Variants in ARHGEF10L observed in about 807,000 individuals in gnomAD.
The protein encoded by ARHGEF10L is rho guanine nucleotide exchange factor 10-like protein.
ARHGEF10L carries 69 observed loss-of-function variants against 141.2 expected under a neutral mutation model. The observed-to-expected ratio is 0.49, with a 90% CI of 0.40 to 0.60. The LOEUF (loss-of-function observed/expected upper bound fraction) is 0.60. Ranked by LOEUF, ARHGEF10L falls within the 20% of genes least tolerant of loss-of-function variation. The probability of loss-of-function intolerance (pLI) is 0.00; values close to 1 mark genes in which losing one functional copy is unlikely to be tolerated. For missense variants in ARHGEF10L, 1,482 were observed against 1,734.3 expected, an observed-to-expected ratio of 0.85 and a Z score of 2.58; for synonymous variants, 711 against 718.5, an observed-to-expected ratio of 0.99 and a Z score of 0.17.
intron 21 of ARHGEF10L, among the ~76,000 whole-genome samples, chr1:17,643,348 G>A (rs769091857): frequency 3.3e-5 from 5 of 152,178 alleles, no homozygotes; most frequent in Non-Finnish European, 7.3e-5. Flanking sequence ...CTGGGAGAGG[G>A]GATCAGCTCT....
At chr1:17,655,535 A>G (rs778898510) in intron 23 of ARHGEF10L, among the ~76,000 whole-genome samples, 5 of 152,228 alleles carry the variant, frequency 3.3e-5, no homozygotes, top group Non-Finnish European at 5.9e-5. Context: ...CATATGCTAG[A>G]CACAGAGGTA....
the ARHGEF10L span, among the ~76,000 whole-genome samples, chr1:17,519,212 T>C: frequency 4.1e-5 from 6 of 145,708 alleles, no homozygotes; most frequent in African/African-American, 1.5e-4. Context: ...GAGCCACCAT[T>C]AGGGCCAATT....
intron 1 of ARHGEF10L, among the ~76,000 whole-genome samples, chr1:17,556,672 G>A (rs930532205): frequency 7.2e-5 from 11 of 152,164 alleles, no homozygotes; most frequent in African/African-American, 2.2e-4. Context: ...ATATGTTAAT[G>A]TGAGCCAGGG....
chr1:17,636,940 G>T (rs142862625), intron 18 of ARHGEF10L, among the ~76,000 whole-genome samples: 7 of 152,120 alleles, frequency 4.6e-5, no homozygotes, highest in Non-Finnish European at 8.8e-5. Context: ...GGACCCTCCT[G>T]CTCTATCTCT....
At position 17,655,881 on chromosome 1, in the gene ARHGEF10L, C is replaced by T. The variant is rs368764428; in HGVS notation, c.2484C>T (p.Val828=). ...STSLPQGYLW[V]GGGQEGAGGQ... ...CCTCTCTGGGTCTCTGCTCCCAGGT[C>T]GGGGGCGGACAGGAAGGCGCAGGGG... The change falls in exon 24 of 29, where the codon GTC becomes GTT. Residue 828 remains valine (V), a splice_region_variant and synonymous_variant. Transcript: ENST00000361221. The T allele has an allele frequency of 3.3e-5, 52 of 1,552,790 alleles. No homozygotes were observed. The highest frequency in any genetic ancestry group is 9.6e-5 in the East Asian group (4 of 41,752).
Position 17,697,194 on chromosome 1 carries a change from C to T in ARHGEF10L, c.3654C>T (p.Asp1218=), listed in dbSNP as rs772443482. Residue 1218 remains aspartate, a synonymous_variant, in exon 29 of 29, where the codon GAC becomes GAT. Coordinates refer to ENST00000361221, the MANE Select transcript of ARHGEF10L (RefSeq NM_018125.4). This position sits in a 1 kb window ranked among gnomAD's most constrained non-coding sequence, Gnocchi z 4.8. ...TTTACGAGATGGCCGACGACCCCGA[C>T]ATCTGGGTGCGCAGCCGGCCCTGCG... The part of the protein sequence containing the change: ...GSIYEMADDP[D]IWVRSRPCAR... 17 of 1,612,110 alleles carry T rather than the reference C, an allele frequency of 1.1e-5. No individual in the cohort carries two copies. The highest frequency in any genetic ancestry group is 1.4e-5 in the Non-Finnish European group (17 of 1,179,486).
intron 1 of ARHGEF10L, among the ~76,000 whole-genome samples, chr1:17,540,517 A>T (rs1267690678): frequency 6.6e-6 from 1 of 152,130 alleles, no homozygotes; most frequent in African/African-American, 2.4e-5. Context: ...CCTCCCTGGA[A>T]CAGGGATATA....
Position 17,648,918 on chromosome 1 carries a change from T to C in ARHGEF10L, c.2394+243T>C, listed in dbSNP as rs568469135. Among the ~76,000 whole-genome samples the C allele has an allele frequency of 2.6e-5, 4 of 152,286 alleles. No individual in the cohort carries two copies. In the South Asian group the frequency reaches 8.3e-4, roughly 32 times the overall value. ...AAGTGAATGGAAAATTCCATTATTT[T>C]GAGATAATAAACAGCAATGATCTCA... On this transcript the variant is annotated intron_variant, in intron 22 of 28. Transcript: ENST00000361221.
intron 1 of ARHGEF10L, among the ~76,000 whole-genome samples, chr1:17,542,969 A>G (rs1327953385): frequency 6.6e-6 from 1 of 152,166 alleles, no homozygotes; most frequent in Non-Finnish European, 1.5e-5. Context: ...CAAGGGGTCT[A>G]AAGTCCAGGA....
At chr1:17,560,400 C>T (rs1231414460) in intron 1 of ARHGEF10L, among the ~76,000 whole-genome samples, 1 of 152,192 alleles carries the variant, frequency 6.6e-6, no homozygotes, top group Non-Finnish European at 1.5e-5. Flanking sequence ...TCAGAGGCAC[C>T]TGAGGTTTGC....
intron 25 of ARHGEF10L, among the ~76,000 whole-genome samples, chr1:17,663,446 C>T (rs1205624537): frequency 2.0e-5 from 3 of 151,534 alleles, no homozygotes; most frequent in South Asian, 2.1e-4. Flanking sequence ...TCAGCTACTT[C>T]GGAGGCTGAG....
At chr1:17,569,206 C>A (rs1177307155) in intron 1 of ARHGEF10L, among the ~76,000 whole-genome samples, 1 of 152,070 alleles carries the variant, frequency 6.6e-6, no homozygotes, top group African/African-American at 2.4e-5. Flanking sequence ...AGGGGAGGCA[C>A]CAGGCATCCC....
Position 17,556,457 on chromosome 1 carries a change from A to G in ARHGEF10L, c.-44+16507A>G, listed in dbSNP as rs534716209. On this transcript the variant is annotated intron_variant, in intron 1 of 28. Coordinates refer to ENST00000361221, the MANE Select transcript of ARHGEF10L (RefSeq NM_018125.4). ...GCTTAGTGATTTGTTGATTGCCTTC[A>G]GGGCTGACGTTCTGTGAACTGAGTA... 5.3e-5 allele frequency among the ~76,000 whole-genome samples: 8 copies of G among 152,272 alleles called. No homozygotes were observed. The South Asian group carries it at 1.7e-3, about 32-fold the overall frequency.
intron 11 of ARHGEF10L, among the ~76,000 whole-genome samples, chr1:17,622,292 G>T (rs1037824767): frequency 1.3e-5 from 2 of 152,172 alleles, no homozygotes; most frequent in African/African-American, 2.4e-5. Context: ...GGGATCCTTA[G>T]TTGGGAAGAT....
the ARHGEF10L span, among the ~76,000 whole-genome samples, chr1:17,528,544 C>T: frequency 3.3e-5 from 5 of 151,916 alleles, no homozygotes; most frequent in African/African-American, 9.7e-5. Flanking sequence ...CATCCATCCA[C>T]CCATCCATCC....
intron 1 of ARHGEF10L, among the ~76,000 whole-genome samples, chr1:17,562,481 G>A (rs1305078893): frequency 6.6e-6 from 1 of 152,178 alleles, no homozygotes; most frequent in African/African-American, 2.4e-5. Context: ...ATAGCGTTGT[G>A]AGGATCACGT....
intron 21 of ARHGEF10L, among the ~76,000 whole-genome samples, chr1:17,642,605 T>A (rs1020240043): frequency 2.0e-5 from 3 of 152,170 alleles, no homozygotes; most frequent in Non-Finnish European, 4.4e-5. Context: ...TGGAGGAACC[T>A]GGACCAGAGG....
At position 17,697,263 on chromosome 1, in the gene ARHGEF10L, C is replaced by A. The variant is rs1230495395; in HGVS notation, c.3723C>A (p.Ile1241=). 6 of 1,612,752 alleles carry A rather than the reference C, an allele frequency of 3.7e-6. No individual in the cohort carries two copies. The highest frequency in any genetic ancestry group is 5.1e-6 in the Non-Finnish European group (6 of 1,179,832). The part of the protein sequence containing the change: ...HRKEICSVAI[I]SGGQGYRNFG... ...AGGAGATTTGCTCTGTGGCCATCATCTCCGGCGGGCAGGGCTACCGCAACT... is the reference window on the plus strand; with the variant it reads ...AGGAGATTTGCTCTGTGGCCATCATATCCGGCGGGCAGGGCTACCGCAACT... The change falls in exon 29 of 29, where the codon ATC becomes ATA. Residue 1241 remains isoleucine, a synonymous_variant. Coordinates refer to ENST00000361221, the MANE Select transcript of ARHGEF10L (RefSeq NM_018125.4). The surrounding 1 kb of genome is among the most constrained non-coding windows in gnomAD (Gnocchi z 4.8).
intron 4 of ARHGEF10L, among the ~76,000 whole-genome samples, chr1:17,597,348 C>T (rs1249441734): frequency 6.6e-6 from 1 of 152,150 alleles, no homozygotes; most frequent in African/African-American, 2.4e-5. Flanking sequence ...CACGGCAGCC[C>T]TGCGTGGCTT....
Sources: allele counts gnomAD v4.1 joint callset (sites outside exome capture counted in the v4.1 genomes callset), GRCh38; gene constraint gnomAD v4.1.1; non-coding constraint Gnocchi (gnomAD v3.1); transcripts MANE v1.5; gene names NCBI Gene and HGNC (gene_info 2026-07-23, HGNC 2026-07-21).